The following CADPS variants were observed in gnomAD, a reference collection of about 807,000 sequenced individuals.
CADPS encodes calcium-dependent secretion activator 1.
Under a neutral mutation model 167.3 loss-of-function variants are expected in CADPS, and 57 were observed. That is an observed-to-expected ratio of 0.34 (90% CI 0.28 to 0.42). CADPS has a LOEUF of 0.42. CADPS is among the 20% of genes least tolerant of loss of function. The pLI, the probability that CADPS is intolerant of heterozygous loss-of-function variation, is 1.00. For missense variants in CADPS, 1,414 were observed against 1,738.1 expected (o/e 0.81, Z 3.32); for synonymous variants, 676 against 635.3 (o/e 1.06, Z -0.96).
At chr3:62,772,625 T>C (rs1170769234) in intron 1 of CADPS, among the ~76,000 whole-genome samples, 1 of 152,178 alleles carries the variant, frequency 6.6e-6, no homozygotes, top group Non-Finnish European at 1.5e-5. Context: ...AAAAAATAAA[T>C]ATATTTCTAC....
chr3:62,775,791 T>C (rs2090131070), intron 1 of CADPS, among the ~76,000 whole-genome samples: 1 of 152,208 alleles, frequency 6.6e-6, no homozygotes, highest in South Asian at 2.1e-4. Flanking sequence ...TTATGCATAG[T>C]TACCATTTCA....
intron 26 of CADPS, among the ~76,000 whole-genome samples, chr3:62,449,696 GAT>G (rs986949585): frequency 1.3e-5 from 2 of 152,048 alleles, no homozygotes; most frequent in African/African-American, 4.8e-5. Context: ...ATTATAATAA[GAT>G]ATTGTTTTGA....
At chr3:62,526,127 AGGAG>A (rs2072135680) in intron 13 of CADPS, among the ~76,000 whole-genome samples, 1 of 152,178 alleles carries the variant, frequency 6.6e-6, no homozygotes, top group South Asian at 2.1e-4. Context: ...GCAGAGTAAC[AGGAG>A]AAAAGTGAGT....
intron 3 of CADPS, among the ~76,000 whole-genome samples, chr3:62,750,471 G>A (rs1438585721): frequency 2.0e-5 from 3 of 150,884 alleles, no homozygotes; most frequent in Admixed American, 1.3e-4. Flanking sequence ...GTATGTTAAC[G>A]CCTGAAGTCT....
Position 62,874,736 on chromosome 3 carries a change from G to T in CADPS, c.294C>A (p.Ser98Arg), listed in dbSNP as rs766482938. 3 of 1,516,978 alleles carry T rather than the reference G, an allele frequency of 2.0e-6. No homozygotes were observed. The highest frequency in any genetic ancestry group is 2.7e-6 in the Non-Finnish European group (3 of 1,117,166). The allele number at this position is 1,516,978 out of a possible 1,614,324, so 94.0% of individuals were successfully genotyped here. The part of the protein sequence containing the change: ...RPSSPSPSVV[S>R]EKEKEELERL... Reference sequence around the variant, plus strand: ...GCTCCAACTCTTCCTTCTCCTTCTCGCTCACCACCGACGGGCTGGGGCTGG... The same window carrying T: ...GCTCCAACTCTTCCTTCTCCTTCTCTCTCACCACCGACGGGCTGGGGCTGG... Residue 98 changes from serine (S) to arginine (R), a missense_variant, in exon 1 of 30, where the codon AGC (serine) becomes AGA (arginine). Ser to Arg is a moderately radical substitution (Grantham distance 110, BLOSUM62 -1). This residue lies in a region of CADPS where 522 missense variants were observed against 559.5 expected (regional missense o/e 0.93). Coordinates refer to ENST00000383710, the MANE Select transcript of CADPS (RefSeq NM_003716.4). This position sits in a 1 kb window ranked among gnomAD's most constrained non-coding sequence, Gnocchi z 7.1.
At chr3:62,833,241 A>G (rs2075382776) in intron 1 of CADPS, among the ~76,000 whole-genome samples, 1 of 151,884 alleles carries the variant, frequency 6.6e-6, no homozygotes, top group African/African-American at 2.4e-5. Context: ...TGCAGCCTCA[A>G]CCTCCCCAGG....
chr3:62,479,390 A>G (rs1191014685), intron 22 of CADPS, among the ~76,000 whole-genome samples: 1 of 152,174 alleles, frequency 6.6e-6, no homozygotes, highest in Non-Finnish European at 1.5e-5. Flanking sequence ...CATACCACTA[A>G]TGCTAACACA....
chr3:62,530,905 G>A, intron 13 of CADPS: 2 of 556,714 alleles, frequency 3.6e-6, no homozygotes, highest in South Asian at 6.5e-5. Flanking sequence ...ACAAAAGAAA[G>A]AAAAAGAAGG....
In CADPS at chr3:62,474,265, G is replaced by A. The variant is rs748581222; in HGVS notation, c.3385C>T (p.Arg1129Ter). 1.9e-6 allele frequency: 3 copies of A among 1,604,688 alleles called. No individual in the cohort carries two copies. The highest frequency in any genetic ancestry group is 2.5e-6 in the Non-Finnish European group (3 of 1,177,086). ...ATGGTGCATATTGACTGTGGGACTCGAAAATCTGTTGATCGACTGGTTTTT... is the reference window on the plus strand; with the variant it reads ...ATGGTGCATATTGACTGTGGGACTCAAAAATCTGTTGATCGACTGGTTTTT... ...LQKTSRSTDF[R>*]VPQSICTMFN... The change falls in exon 24 of 30, where the codon CGA becomes TGA. Residue 1129 changes from arginine (R) to a stop codon, truncating the protein, a stop_gained. Transcript: ENST00000383710. LOFTEE classifies it high-confidence loss of function.
chr3:62,457,774 T>C (rs1350695247), intron 26 of CADPS, among the ~76,000 whole-genome samples: 1 of 152,216 alleles, frequency 6.6e-6, no homozygotes, highest in Non-Finnish European at 1.5e-5. Flanking sequence ...GATGAGTTCA[T>C]GTCCTTTGCA....
At chr3:62,406,691 G>C (rs1436240818) in intron 28 of CADPS, among the ~76,000 whole-genome samples, 2 of 152,038 alleles carry the variant, frequency 1.3e-5, no homozygotes, top group Non-Finnish European at 2.9e-5. Flanking sequence ...AAGAAATAAA[G>C]CCCCCAACAG....
Position 62,544,917 on chromosome 3 carries a change from G to T in CADPS, c.1966+4986C>A. On this transcript the variant is annotated intron_variant, in intron 11 of 29. Transcript: ENST00000383710. This position sits in a 1 kb window ranked among gnomAD's most constrained non-coding sequence, Gnocchi z 4.4. ...AGAATAACATAAAGACTAGCAACAA[G>T]GCTCAGGAAAGCAGACAGGAGTTCT... The T allele has an allele frequency of 9.0e-7, 1 of 1,113,400 alleles. No individual in the cohort carries two copies. The highest frequency in any genetic ancestry group is 1.1e-6 in the Non-Finnish European group (1 of 877,138). 69.0% of individuals were successfully genotyped at this position (1,113,400 alleles called of 1,614,324 possible). A position where few individuals can be genotyped will look rare whatever the true frequency, so the allele number is the denominator to read the frequency against.
At chr3:62,640,871 A>C (rs1211212391) in intron 6 of CADPS, among the ~76,000 whole-genome samples, 3 of 152,186 alleles carry the variant, frequency 2.0e-5, no homozygotes, top group Non-Finnish European at 2.9e-5. Context: ...ACATTATACA[A>C]AACTACCAAT....
At chr3:62,638,424 T>C (rs2066758380) in intron 6 of CADPS, among the ~76,000 whole-genome samples, 1 of 152,170 alleles carries the variant, frequency 6.6e-6, no homozygotes, top group East Asian at 1.9e-4. Context: ...TTAAATTTGA[T>C]TTCTACTGAA....
chr3:62,858,803 C>A (rs1349272521), intron 1 of CADPS, among the ~76,000 whole-genome samples: 1 of 152,082 alleles, frequency 6.6e-6, no homozygotes, highest in Admixed American at 6.6e-5. Flanking sequence ...GTAAATGTCT[C>A]ATATCACTAT....
At chr3:62,568,813 C>G (rs547378372) in intron 9 of CADPS, among the ~76,000 whole-genome samples, 5 of 152,212 alleles carry the variant, frequency 3.3e-5, no homozygotes, top group Non-Finnish European at 7.3e-5. Flanking sequence ...CTGTTCTTAA[C>G]ATGGATGGGT....
At chr3:62,562,406 G>T (rs11708441) in intron 9 of CADPS, among the ~76,000 whole-genome samples, 10,990 of 152,204 alleles carry the variant, frequency 0.072, 456 homozygotes, top group Middle Eastern at 0.11. Flanking sequence ...GTGAACCAAG[G>T]CAGTTCAGTT....
At chr3:62,539,927 T>C (rs908274291) in intron 11 of CADPS, among the ~76,000 whole-genome samples, 4 of 152,154 alleles carry the variant, frequency 2.6e-5, no homozygotes, top group Admixed American at 2.0e-4. Context: ...GGTTGCTTAA[T>C]GCCTCTGGGC....
At chr3:62,838,429 C>T (rs544038965) in intron 1 of CADPS, among the ~76,000 whole-genome samples, 104 of 152,262 alleles carry the variant, frequency 6.8e-4, no homozygotes, top group African/African-American at 2.0e-3. Context: ...GAAAATCTAG[C>T]GTTGAGGTCA....
Sources: gnomAD v4.1 joint callset for allele counts (sites outside exome capture counted in the v4.1 genomes callset) on GRCh38, gnomAD v4.1.1 for gene constraint, gnomAD v4.1.1 regional missense constraint, Gnocchi (gnomAD v3.1) non-coding constraint, MANE v1.5 for transcripts, NCBI Gene and HGNC (gene_info 2026-07-23, HGNC 2026-07-21) for gene names.